The following DIPK1A variants were observed in gnomAD, a reference collection of about 807,000 sequenced individuals.
DIPK1A encodes the protein family with sequence similarity 69 member A.
Under a neutral mutation model 40.8 loss-of-function variants are expected in DIPK1A, and 27 were observed. That is an observed-to-expected ratio of 0.66 (90% CI 0.49 to 0.91). The LOEUF is 0.91. Ranked by LOEUF, DIPK1A falls within the 40% of genes least tolerant of loss-of-function variation. The pLI, the probability that DIPK1A is intolerant of heterozygous loss-of-function variation, is 0.00. For missense variants in DIPK1A, 412 were observed against 505.7 expected, an observed-to-expected ratio of 0.81 and a Z score of 1.78; for synonymous variants, 166 against 171.3, an observed-to-expected ratio of 0.97 and a Z score of 0.24.
chr1:92,935,137 A>G (rs1014174442), intron 1 of DIPK1A, among the ~76,000 whole-genome samples: 2 of 152,208 alleles, frequency 1.3e-5, no homozygotes, highest in African/African-American at 4.8e-5. Context: ...TCATACAGCT[A>G]GTTGGTGACA....
At chr1:92,917,243 T>C (rs1650089134) in intron 1 of DIPK1A, among the ~76,000 whole-genome samples, 1 of 152,238 alleles carries the variant, frequency 6.6e-6, no homozygotes, top group Admixed American at 6.5e-5. Context: ...ATAGATTTTT[T>C]AGATTTTCAT....
intron 1 of DIPK1A, chr1:92,877,211 A>C: frequency 1.3e-6 from 1 of 746,082 alleles, no homozygotes; most frequent in Non-Finnish European, 1.6e-6. Flanking sequence ...CCTTTTTTCC[A>C]TCAATTACAT....
rs563160095 is a variant in DIPK1A, at chr1:92,951,924, C to T, written c.54+9452G>A. On this transcript the variant is annotated intron_variant, in intron 1 of 4. Coordinates refer to ENST00000370310, the MANE Select transcript of DIPK1A (RefSeq NM_001006605.5). ...TCCTAAATATACATAAATACTCCCC[C>T]GCCCCCCACCCTCTCCTTCTCTGTA... 7.9e-4 allele frequency among the ~76,000 whole-genome samples: 75 copies of T among 94,646 alleles called. 1 individual carries two copies. The highest frequency in any genetic ancestry group is 0.029 in the Middle Eastern group (2 of 68). The allele number at this position is 94,646 out of a possible 152,430, so 62.1% of individuals were successfully genotyped here. A position where few individuals can be genotyped will look rare whatever the true frequency, so the allele number is the denominator to read the frequency against.
At chr1:92,867,215 C>CT (rs5776161) in intron 2 of DIPK1A, among the ~76,000 whole-genome samples, 7,657 of 125,616 alleles carry the variant, frequency 0.061, 712 homozygotes, top group African/African-American at 0.2. Flanking sequence ...TACTCCAATT[C>CT]TTTTTTTTTT....
intron 4 of DIPK1A, among the ~76,000 whole-genome samples, chr1:92,845,887 T>TG (rs931735696): frequency 2.0e-4 from 30 of 150,364 alleles, no homozygotes; most frequent in Admixed American, 4.0e-4. Flanking sequence ...CCCAGCTACT[T>TG]GGGGGGCTGA....
intron 1 of DIPK1A, among the ~76,000 whole-genome samples, chr1:92,911,586 G>A (rs191688541): frequency 5.3e-5 from 8 of 152,204 alleles, no homozygotes; most frequent in Non-Finnish European, 7.4e-5. Context: ...CATCTGAGCT[G>A]ATTCCACTTT....
At chr1:92,961,190 G>A (rs924243209) in intron 1 of DIPK1A, among the ~76,000 whole-genome samples, 186 bp downstream of exon 1, 1 of 151,050 alleles carries the variant, frequency 6.6e-6, no homozygotes, top group Non-Finnish European at 1.5e-5. Context: ...GCGGTGGGGG[G>A]CGTCGGCAGA....
chr1:92,932,559 G>A (rs1650794466), intron 1 of DIPK1A: 1 of 151,862 alleles, frequency 6.6e-6, no homozygotes, highest in Admixed American at 6.6e-5. Context: ...AGAAAGAAAT[G>A]AACCATCAAG....
intron 2 of DIPK1A, among the ~76,000 whole-genome samples, chr1:92,856,242 T>C (rs1687982401): frequency 6.6e-6 from 1 of 152,000 alleles, no homozygotes; most frequent in African/African-American, 2.4e-5. Context: ...TGGTAATACA[T>C]TTGAAATAAA....
At chr1:92,849,614 G>A (rs960148068) in intron 3 of DIPK1A, among the ~76,000 whole-genome samples, 1 of 152,044 alleles carries the variant, frequency 6.6e-6, no homozygotes, top group Non-Finnish European at 1.5e-5. Context: ...CCAGGTTCAA[G>A]CGATTCTTGT....
At chr1:92,914,981 G>A (rs1008662781) in intron 1 of DIPK1A, among the ~76,000 whole-genome samples, 7 of 151,056 alleles carry the variant, frequency 4.6e-5, no homozygotes, top group African/African-American at 1.5e-4. Context: ...CCAGCTACTC[G>A]GGAGGCTGAG....
chr1:92,895,827 TG>T (rs1649138835), intron 1 of DIPK1A, among the ~76,000 whole-genome samples: 1 of 152,098 alleles, frequency 6.6e-6, no homozygotes, highest in South Asian at 2.1e-4. Context: ...AAAATCAATG[TG>T]CAAAAATAAC....
chr1:92,861,308 ATTCT>A lies in DIPK1A; in HGVS notation c.190-10357_190-10354del, dbSNP rs201136488. Among the ~76,000 whole-genome samples the A allele has an allele frequency of 3.4e-4, 39 of 115,058 alleles. 1 individual carries two copies. The highest frequency in any genetic ancestry group is 1.2e-3 in the African/African-American group (37 of 31,280). 75.5% of individuals were successfully genotyped at this position (115,058 alleles called of 152,430 possible). A position where few individuals can be genotyped will look rare whatever the true frequency, so the allele number is the denominator to read the frequency against. On this transcript the variant is annotated intron_variant, in intron 2 of 4. Coordinates refer to ENST00000370310, the MANE Select transcript of DIPK1A (RefSeq NM_001006605.5). ...ATAATCATATATTAATAGCTTTTCT[ATTCT>A]CTCTCTCTCTTTTTTTTTTTTTTTT...
intron 2 of DIPK1A, among the ~76,000 whole-genome samples, chr1:92,866,940 A>T (rs1318342541): frequency 2.0e-5 from 3 of 152,098 alleles, no homozygotes; most frequent in African/African-American, 4.8e-5. Context: ...ATCCTGACTG[A>T]TACACCTGAT....
At chr1:92,866,935 G>T (rs1367272549) in intron 2 of DIPK1A, among the ~76,000 whole-genome samples, 1 of 152,050 alleles carries the variant, frequency 6.6e-6, no homozygotes, top group Non-Finnish European at 1.5e-5. Flanking sequence ...ATTGAATCCT[G>T]ACTGATACAC....
At chr1:92,844,872 G>C (rs965199871) in intron 4 of DIPK1A, among the ~76,000 whole-genome samples, 1 of 150,624 alleles carries the variant, frequency 6.6e-6, no homozygotes, top group African/African-American at 2.4e-5. Context: ...GAAAATAAAA[G>C]AGCAATGAAA....
chr1:92,933,728 G>A (rs1391449052), intron 1 of DIPK1A: 1 of 152,198 alleles, frequency 6.6e-6, no homozygotes, highest in Non-Finnish European at 1.5e-5. Flanking sequence ...TTTGCACAGT[G>A]CCTCACATAT....
At chr1:92,940,997 G>A (rs1377621794) in intron 1 of DIPK1A, among the ~76,000 whole-genome samples, 1 of 28,288 alleles carries the variant, frequency 3.5e-5, no homozygotes, top group Non-Finnish European at 1.0e-4. Context: ...AGAGTTCTTT[G>A]TATATTCCAG....
intron 1 of DIPK1A, among the ~76,000 whole-genome samples, chr1:92,959,714 G>A (rs994357397): frequency 2.0e-5 from 3 of 150,078 alleles, no homozygotes; most frequent in Non-Finnish European, 4.4e-5. Context: ...GCCTCCCAAA[G>A]TGCATGAGCC....
Sources: gnomAD v4.1 joint callset for allele counts (sites outside exome capture counted in the v4.1 genomes callset) on GRCh38, gnomAD v4.1.1 for gene constraint, MANE v1.5 for transcripts, NCBI Gene and HGNC (gene_info 2026-07-23, HGNC 2026-07-21) for gene names.